DHRSX: variants seen among roughly 807,000 people sequenced by gnomAD.
The protein encoded by DHRSX is polyprenol dehydrogenase.
In DHRSX, 31 loss-of-function variants were observed where a neutral mutation model predicts 34.0. That is an observed-to-expected ratio of 0.91 (90% CI 0.69 to 1.23). The LOEUF (loss-of-function observed/expected upper bound fraction) is 1.23, where lower values mean the gene tolerates loss of function less well. Among genes scored for constraint, DHRSX ranks in the 50% most tolerant of loss-of-function variants. The pLI is 0.00. For synonymous variants in DHRSX, 201 were observed against 183.8 expected (o/e 1.09, Z -0.76); for missense variants, 414 against 428.1 (o/e 0.97, Z 0.29).
chrX:2,269,191 A>G (rs1026226874), intron 4 of DHRSX, among the ~76,000 whole-genome samples: 25 of 152,206 alleles, frequency 1.6e-4, no homozygotes, highest in Non-Finnish European at 3.4e-4. Flanking sequence ...TTGTATATGT[A>G]TATCTGCATG....
At chrX:2,444,883 G>A (rs1343586833) in intron 1 of DHRSX, among the ~76,000 whole-genome samples, 2 of 151,920 alleles carry the variant, frequency 1.3e-5, no homozygotes, top group Admixed American at 6.6e-5. Flanking sequence ...TAGGCTGGGC[G>A]GAGTAGCTCA....
intron 3 of DHRSX, among the ~76,000 whole-genome samples, chrX:2,360,544 C>A (rs754047836): frequency 6.6e-6 from 1 of 152,206 alleles, no homozygotes; most frequent in Admixed American, 6.5e-5. Flanking sequence ...GATCGCGCCA[C>A]TGCACTCCAG....
At chrX:2,337,890 G>A (rs1348115718) in intron 3 of DHRSX, 3 of 151,708 alleles carry the variant, frequency 2.0e-5, no homozygotes, top group Admixed American at 6.6e-5. Context: ...TTCATAGACT[G>A]TCTTGTGAGG....
intron 1 of DHRSX, among the ~76,000 whole-genome samples, chrX:2,493,734 C>T (rs1395223907): frequency 6.6e-6 from 1 of 152,074 alleles, no homozygotes; most frequent in Non-Finnish European, 1.5e-5. Context: ...CTTTGGGAGG[C>T]CAAGGTGGGT....
chrX:2,333,931 T>G (rs973835899), intron 3 of DHRSX, among the ~76,000 whole-genome samples: 1 of 152,198 alleles, frequency 6.6e-6, no homozygotes, highest in African/African-American at 2.4e-5. Flanking sequence ...TAAGATCTTG[T>G]TCTTTTTTAC....
chrX:2,320,209 T>C (rs2042291482), intron 3 of DHRSX, among the ~76,000 whole-genome samples: 1 of 151,904 alleles, frequency 6.6e-6, no homozygotes, highest in African/African-American at 2.4e-5. Flanking sequence ...AACACAGAAC[T>C]TGCCCATTCA....
intron 6 of DHRSX, among the ~76,000 whole-genome samples, chrX:2,241,769 G>A (rs1328788261): frequency 2.6e-5 from 4 of 151,944 alleles, no homozygotes; most frequent in East Asian, 1.9e-4. Context: ...TTAGCCAGGC[G>A]TGGTGTCACA....
At chrX:2,304,208 G>GATGGATGGATGGATGGATGGATGGATAA (rs2042068256) in intron 3 of DHRSX, among the ~76,000 whole-genome samples, 2 of 24,436 alleles carry the variant, frequency 8.2e-5, no homozygotes, top group Non-Finnish European at 2.5e-4. Flanking sequence ...TGGATAAATG[G>GATGGATGGATGGATGGATGGATGGATAA]ATGGATGGAT....
chrX:2,314,483 A>AAGGGAGGAAGGG (rs1556466908), intron 3 of DHRSX, among the ~76,000 whole-genome samples: 1 of 45,982 alleles, frequency 2.2e-5, no homozygotes, highest in Non-Finnish European at 4.7e-5. Flanking sequence ...GGAAGGAAGG[A>AAGGGAGGAAGGG]AGGAAGGGAG....
chrX:2,286,645 C>G (rs191477834), intron 4 of DHRSX, among the ~76,000 whole-genome samples: 1 of 151,634 alleles, frequency 6.6e-6, no homozygotes, highest in East Asian at 1.9e-4. Context: ...CCTCCAAAAG[C>G]GAAGTCTCCA....
At chrX:2,368,577 C>T (rs902888023) in intron 3 of DHRSX, among the ~76,000 whole-genome samples, 9 of 152,212 alleles carry the variant, frequency 5.9e-5, no homozygotes, top group East Asian at 1.9e-4. Context: ...AGGCCAGGCG[C>T]GGAAGCTCAC....
intron 4 of DHRSX, among the ~76,000 whole-genome samples, chrX:2,284,235 TGTTC>T (rs1351342689): frequency 3.3e-5 from 5 of 152,242 alleles, no homozygotes; most frequent in Non-Finnish European, 5.9e-5. Flanking sequence ...TGAATTCATT[TGTTC>T]ATTCATTAGA....
chrX:2,417,388 C>T (rs752392542), intron 2 of DHRSX, among the ~76,000 whole-genome samples: 2 of 152,284 alleles, frequency 1.3e-5, no homozygotes, highest in South Asian at 4.1e-4. Context: ...TCTAACTCAA[C>T]CTGTCATCAT....
At chrX:2,240,739 C>T (rs1032227829) in intron 6 of DHRSX, among the ~76,000 whole-genome samples, 24 of 152,040 alleles carry the variant, frequency 1.6e-4, no homozygotes, top group African/African-American at 5.3e-4. Context: ...GCTAATTAGA[C>T]GATTCTGCAA....
intron 3 of DHRSX, among the ~76,000 whole-genome samples, chrX:2,369,692 C>A (rs773578807): frequency 6.6e-6 from 1 of 151,946 alleles, no homozygotes; most frequent in African/African-American, 2.4e-5. Flanking sequence ...TTAGTAGAGA[C>A]GGGGTTTCAC....
chrX:2,461,864 T>C (rs1367499731), intron 1 of DHRSX, among the ~76,000 whole-genome samples: 1 of 152,092 alleles, frequency 6.6e-6, no homozygotes, highest in African/African-American at 2.4e-5. Context: ...CTTTTTGTAT[T>C]TTTAGTAGAG....
intron 3 of DHRSX, among the ~76,000 whole-genome samples, chrX:2,351,553 G>T (rs2042788888): frequency 6.6e-6 from 1 of 152,190 alleles, no homozygotes; most frequent in Admixed American, 6.5e-5. Flanking sequence ...ATGGTACAGT[G>T]AAAGGCCAGT....
At chrX:2,356,699 C>T (rs2042857172) in intron 3 of DHRSX, among the ~76,000 whole-genome samples, 1 of 152,134 alleles carries the variant, frequency 6.6e-6, no homozygotes, top group South Asian at 2.1e-4. Flanking sequence ...CCTCAGCCTC[C>T]TCCATGTGAA....
At chrX:2,258,722 C>T (rs2041314009) in intron 5 of DHRSX, among the ~76,000 whole-genome samples, 1 of 152,166 alleles carries the variant, frequency 6.6e-6, no homozygotes, top group Non-Finnish European at 1.5e-5. Context: ...TAAGAGATCA[C>T]TCCTAAGCTA....
Sources: gnomAD v4.1 joint callset for allele counts (sites outside exome capture counted in the v4.1 genomes callset) on GRCh38, gnomAD v4.1.1 for gene constraint, MANE v1.5 for transcripts, NCBI Gene and HGNC (gene_info 2026-07-23, HGNC 2026-07-21) for gene names.